Variants in LRP1 observed in about 807,000 individuals in gnomAD.
The protein encoded by LRP1 is prolow-density lipoprotein receptor-related protein 1.
A neutral mutation model predicts 541.5 loss-of-function variants in LRP1; 51 were observed. The ratio of observed to expected loss-of-function variants is 0.09; its 90% CI spans 0.08 to 0.12. The LOEUF (loss-of-function observed/expected upper bound fraction) is 0.12, where lower values mean the gene tolerates loss of function less well. LRP1 is among the 10% of genes least tolerant of loss of function. The pLI, the probability that LRP1 is intolerant of heterozygous loss-of-function variation, is 1.00. For missense variants in LRP1, 3,878 were observed against 6,376.2 expected, an observed-to-expected ratio of 0.61 and a Z score of 13.34; for synonymous variants, 2,219 against 2,470.8, an observed-to-expected ratio of 0.90 and a Z score of 3.02.
intron 34 of LRP1, among the ~76,000 whole-genome samples, chr12:57,181,588 A>G (rs1254695661): frequency 6.6e-6 from 1 of 152,184 alleles, no homozygotes; most frequent in Non-Finnish European, 1.5e-5. Context: ...ACACAAGGCA[A>G]GGTGTGTGCA....
At position 57,160,977 on chromosome 12, in the gene LRP1, C is replaced by T; in HGVS notation, c.2064C>T (p.His688=). 1 of 1,614,006 alleles carries T rather than the reference C, an allele frequency of 6.2e-7. No individual in the cohort carries two copies. Among genetic ancestry groups the T allele is most frequent in the Non-Finnish European group, 8.5e-7 (1 of 1,180,028 alleles). Residue 688 remains histidine, a synonymous_variant, in exon 13 of 89, where the codon CAC becomes CAT. Coordinates refer to ENST00000243077, the MANE Select transcript of LRP1 (RefSeq NM_002332.3). ...RLERAWMDGS[H]RDIFVTSKTV... ...AGAGGGCGTGGATGGATGGCTCACA[C>T]CGAGACATCTTTGTCACCTCCAAGA...
Position 57,200,692 on chromosome 12 carries a change from C to T in LRP1, c.10109-7C>T. ...CCGCTCTGACTCTGAGCCTCCCTCTCTGGCAGCTGAGTTCAAGTGCCGGCC... is the reference window on the plus strand; with the variant it reads ...CCGCTCTGACTCTGAGCCTCCCTCTTTGGCAGCTGAGTTCAAGTGCCGGCC... On this transcript the variant is annotated splice_polypyrimidine_tract_variant and splice_region_variant and intron_variant, in intron 63 of 88. Transcript: ENST00000243077. The T allele has an allele frequency of 6.2e-7, 1 of 1,612,126 alleles. No individual in the cohort carries two copies. The highest frequency in any genetic ancestry group is 8.5e-7 in the Non-Finnish European group (1 of 1,178,450).
Position 57,212,931 on chromosome 12 carries a change from C to A in LRP1, c.*376C>A, listed in dbSNP as rs1444433807. 5.6e-6 allele frequency: 1 copy of A among 177,336 alleles called. No homozygotes were observed. The highest frequency in any genetic ancestry group is 5.5e-5 in the Admixed American group (1 of 18,162). 11.0% of individuals were successfully genotyped at this position (177,336 alleles called of 1,614,324 possible). Reference sequence around the variant, plus strand: ...TCGCCCCATCCCTGCTTGCCCGCTCCCACAGCTTCCTGAGGGCTAATTCTG... The same window carrying A: ...TCGCCCCATCCCTGCTTGCCCGCTCACACAGCTTCCTGAGGGCTAATTCTG... On this transcript the variant is annotated 3_prime_UTR_variant, in exon 89 of 89. Coordinates refer to ENST00000243077, the MANE Select transcript of LRP1 (RefSeq NM_002332.3). This position sits in a 1 kb window ranked among gnomAD's most constrained non-coding sequence, Gnocchi z 5.0.
At chr12:57,186,137 C>T (rs1237592491) in intron 41 of LRP1, among the ~76,000 whole-genome samples, 1 of 152,206 alleles carries the variant, frequency 6.6e-6, no homozygotes, top group African/African-American at 2.4e-5. Flanking sequence ...CTGCACAGAA[C>T]AAGCGAGAGG....
At chr12:57,171,735 T>C (rs1450281594) in intron 20 of LRP1, among the ~76,000 whole-genome samples, 1 of 151,984 alleles carries the variant, frequency 6.6e-6, no homozygotes, top group Non-Finnish European at 1.5e-5. Context: ...GATGAGAGCA[T>C]CAGCTGGGTC....
intron 6 of LRP1, among the ~76,000 whole-genome samples, chr12:57,152,474 G>C (rs574997065): frequency 1.3e-5 from 2 of 152,150 alleles, no homozygotes; most frequent in Non-Finnish European, 2.9e-5. Context: ...TCCCTGCTTT[G>C]AGACTTCGAT....
Position 57,192,730 on chromosome 12 carries a change from G to A in LRP1, c.7430-115G>A, listed in dbSNP as rs780292902. 1,371 of 1,442,480 alleles carry A rather than the reference G, an allele frequency of 9.5e-4. 1 individual carries two copies. The highest frequency in any genetic ancestry group is 1.3e-3 in the Non-Finnish European group (1,327 of 1,041,382). The allele number at this position is 1,442,480 out of a possible 1,614,324, so 89.4% of individuals were successfully genotyped here. On this transcript the variant is annotated intron_variant, in intron 44 of 88. Coordinates refer to ENST00000243077, the MANE Select transcript of LRP1 (RefSeq NM_002332.3). ...CTGGCTGCAAGCCGCTGTGCCTGCC[G>A]TGACTGAGCAGAGGCTTGGGAGCTC...
chr12:57,159,737 A>AAGGTACCTGAATTGCTTTC, intron 11 of LRP1, 88 bp from the exon 12 acceptor site: 1 of 1,378,028 alleles, frequency 7.3e-7, no homozygotes, highest in South Asian at 1.2e-5. Flanking sequence ...CAGACTGCTC[A>AAGGTACCTGAATTGCTTTC]AAGGTACCTG....
rs751186246 is a variant in LRP1, at chr12:57,192,968, G to A, written c.7553G>A (p.Arg2518Gln). The change falls in exon 45 of 89, where the codon CGA becomes CAA. Residue 2518 changes from arginine to glutamine, a missense_variant and splice_region_variant. By Grantham distance (43) the Arg-to-Gln change is conservative. Around this residue, in one of 13 missense-constraint regions of LRP1, gnomAD observed 1,100 missense variants for 1,827.4 expected, o/e 0.60. Coordinates refer to ENST00000243077, the MANE Select transcript of LRP1 (RefSeq NM_002332.3). The stretch of plus-strand genomic sequence containing the variant: ...ATCCTCCAGGATGACCTCACCTGCC[G>A]AGGTGAGAGAGGCGGGGGGGAGGGG... The part of the protein sequence containing the change: ...GRILQDDLTC[R>Q]AVNSSCRAQD... The A allele has an allele frequency of 4.0e-5, 65 of 1,612,486 alleles. No individual in the cohort carries two copies. The highest frequency in any genetic ancestry group is 5.3e-5 in the Non-Finnish European group (63 of 1,179,654).
In LRP1 at chr12:57,184,628, C is replaced by A. The variant is rs538430418; in HGVS notation, c.6186+176C>A. On this transcript the variant is annotated intron_variant, in intron 38 of 88. Transcript: ENST00000243077. This position sits in a 1 kb window ranked among gnomAD's most constrained non-coding sequence, Gnocchi z 7.8. ...TACCACAGAGATGATGGGCAGGGGT[C>A]GCTCAGAAGTGGGGAGTGGGGGAGT... Among the ~76,000 whole-genome samples the A allele has an allele frequency of 2.0e-5, 3 of 152,158 alleles. No individual in the cohort carries two copies. In the South Asian group the frequency reaches 6.2e-4, roughly 32 times the overall value.
At position 57,184,240 on chromosome 12, in the gene LRP1, G is replaced by A. The variant is rs2036223592; in HGVS notation, c.6059+26G>A. The A allele has an allele frequency of 1.2e-6, 2 of 1,613,266 alleles. No homozygotes were observed. Reference sequence around the variant, plus strand: ...GTGAGGAGCTGGAAAGACTGGCCTTGTCATTCTGCCCATGGCCCATGCTGA... The same window carrying A: ...GTGAGGAGCTGGAAAGACTGGCCTTATCATTCTGCCCATGGCCCATGCTGA... On this transcript the variant is annotated intron_variant, in intron 37 of 88. Coordinates refer to ENST00000243077, the MANE Select transcript of LRP1 (RefSeq NM_002332.3). This position sits in a 1 kb window ranked among gnomAD's most constrained non-coding sequence, Gnocchi z 7.8.
intron 1 of LRP1, among the ~76,000 whole-genome samples, chr12:57,132,408 A>AG (rs1285093009): frequency 6.6e-6 from 1 of 152,046 alleles, no homozygotes; most frequent in Non-Finnish European, 1.5e-5. Context: ...TCCTGACTCC[A>AG]GGGGTGGTAG....
At position 57,166,405 on chromosome 12, in the gene LRP1, T is replaced by A. The variant is rs34293059; in HGVS notation, c.2797+196T>A. ...CCTCCCACTCTTTACAAAAAAAATT[T>A]AAAAAAACTGCCGGGCGTGGTGGCG... On this transcript the variant is annotated intron_variant, in intron 17 of 88. Coordinates refer to ENST00000243077, the MANE Select transcript of LRP1 (RefSeq NM_002332.3). 6,281 of 662,714 alleles carry A rather than the reference T, an allele frequency of 9.5e-3. 197 individuals carry two copies. The highest frequency in any genetic ancestry group is 0.072 in the African/African-American group (3,915 of 54,640). 41.1% of individuals were successfully genotyped at this position (662,714 alleles called of 1,614,324 possible). A position where few individuals can be genotyped will look rare whatever the true frequency, so the allele number is the denominator to read the frequency against.
chr12:57,156,920 A>G lies in LRP1; in HGVS notation c.1561A>G (p.Lys521Glu). Reference sequence around the variant, plus strand: ...GGGCAGTGACGGGAAGTCATGCAAGAGTGAGTGACAGGGAAGGGGGTGTGT... The same window carrying G: ...GGGCAGTGACGGGAAGTCATGCAAGGGTGAGTGACAGGGAAGGGGGTGTGT... The part of the protein sequence containing the change: ...SLGSDGKSCK[K>E]PEHELFLVYG... Residue 521 changes from lysine to glutamate, a missense_variant and splice_region_variant, in exon 10 of 89, where the codon AAG becomes GAG. Physicochemically the swap from Lys to Glu is moderately conservative, Grantham distance 56. Around this residue, in one of 13 missense-constraint regions of LRP1, gnomAD observed 496 missense variants for 861.0 expected, o/e 0.58. Transcript: ENST00000243077. This position sits in a 1 kb window ranked among gnomAD's most constrained non-coding sequence, Gnocchi z 5.2. 6.4e-7 allele frequency: 1 copy of G among 1,570,144 alleles called. No individual in the cohort carries two copies. Among genetic ancestry groups the G allele is most frequent in the Non-Finnish European group, 8.6e-7 (1 of 1,156,740 alleles).
rs773546885 is a variant in LRP1, at chr12:57,158,548, A to C, written c.1708A>C (p.Thr570Pro). The C allele has an allele frequency of 3.7e-6, 6 of 1,614,022 alleles. No individual in the cohort carries two copies. The East Asian group carries it at 1.1e-4, about 30-fold the overall frequency. The change falls in exon 11 of 89, where the codon ACC (threonine) becomes CCC (proline). Residue 570 changes from threonine (T) to proline (P), a missense_variant. Transcript: ENST00000243077. This position sits in a 1 kb window ranked among gnomAD's most constrained non-coding sequence, Gnocchi z 5.3. ...NPRALDFHAE[T>P]GFIYFADTTS... ...CCGAGCCCTGGACTTCCACGCTGAG[A>C]CCGGCTTCATCTACTTTGCCGACAC... is the stretch of plus-strand genomic sequence containing the variant.
At position 57,197,515 on chromosome 12, in the gene LRP1, C is replaced by T. The variant is rs1278403562; in HGVS notation, c.9163-30C>T. On this transcript the variant is annotated intron_variant, in intron 57 of 88. Transcript: ENST00000243077. This position sits in a 1 kb window ranked among gnomAD's most constrained non-coding sequence, Gnocchi z 4.5. ...ATGTGGCCCCTGTTGCCACAACCGA[C>T]TTCTGCTGTCCTTCACTCCCCAAAT... The T allele has an allele frequency of 6.8e-6, 11 of 1,614,008 alleles. No individual in the cohort carries two copies.
Position 57,154,636 on chromosome 12 carries a change from C to A in LRP1, c.1162C>A (p.Leu388Met). 1 of 1,599,902 alleles carries A rather than the reference C, an allele frequency of 6.3e-7. No homozygotes were observed. The highest frequency in any genetic ancestry group is 8.5e-7 in the Non-Finnish European group (1 of 1,172,834). ...CCTTGTCTACTGGGCAGATGCCTATCTGGACTATATTGAAGTGGTGGACTA... is the reference window on the plus strand; with the variant it reads ...CCTTGTCTACTGGGCAGATGCCTATATGGACTATATTGAAGTGGTGGACTA... ...SRLVYWADAY[L>M]DYIEVVDYEG... is the part of the protein sequence containing the mutation. Residue 388 changes from leucine to methionine, a missense_variant, in exon 8 of 89, where the codon CTG (leucine) becomes ATG (methionine). By Grantham distance (15) the Leu-to-Met change is conservative (BLOSUM62 2). This residue lies in a region of LRP1 where 496 missense variants were observed against 861.0 expected (regional missense o/e 0.58). Coordinates refer to ENST00000243077, the MANE Select transcript of LRP1 (RefSeq NM_002332.3). The surrounding 1 kb of genome is among the most constrained non-coding windows in gnomAD (Gnocchi z 4.6).
intron 51 of LRP1, 75 bp downstream of exon 51, chr12:57,195,176 A>G: frequency 6.3e-7 from 1 of 1,589,400 alleles, no homozygotes; most frequent in African/African-American, 1.4e-5. Context: ...CCCCACACAC[A>G]GACACCCCTG....
At chr12:57,141,661 G>T (rs2035294751) in intron 3 of LRP1, 150 bp downstream of exon 3, 1 of 1,088,174 alleles carries the variant, frequency 9.2e-7, no homozygotes, top group African/African-American at 1.6e-5. Flanking sequence ...TGAAATTGAT[G>T]TGCCCCTTGG....
Sources: allele counts gnomAD v4.1 joint callset (sites outside exome capture counted in the v4.1 genomes callset), GRCh38; gene constraint gnomAD v4.1.1; regional missense constraint gnomAD v4.1.1; non-coding constraint Gnocchi (gnomAD v3.1); transcripts MANE v1.5; gene names NCBI Gene and HGNC (gene_info 2026-07-23, HGNC 2026-07-21).